PTPRT: variants seen among roughly 807,000 people sequenced by gnomAD.
PTPRT encodes the protein receptor-type tyrosine-protein phosphatase T.
A neutral mutation model predicts 176.8 loss-of-function variants in PTPRT; 56 were observed. That is an observed-to-expected ratio of 0.32 (90% CI 0.26 to 0.40). The LOEUF (loss-of-function observed/expected upper bound fraction) is 0.40. Ranked by LOEUF, PTPRT falls within the 10% of genes least tolerant of loss-of-function variation. The probability of loss-of-function intolerance (pLI) is 1.00; values close to 1 mark genes in which losing one functional copy is unlikely to be tolerated. For missense variants in PTPRT, 1,540 were observed against 1,908.2 expected, an observed-to-expected ratio of 0.81 and a Z score of 3.60; for synonymous variants, 783 against 739.0, an observed-to-expected ratio of 1.06 and a Z score of -0.96.
intron 9 of PTPRT, among the ~76,000 whole-genome samples, chr20:42,377,500 C>T (rs2058663148): frequency 6.6e-6 from 1 of 152,172 alleles, no homozygotes; most frequent in East Asian, 1.9e-4. Context: ...TGGGCTGGGG[C>T]CTGAGATTCT....
intron 7 of PTPRT, among the ~76,000 whole-genome samples, chr20:42,531,214 T>C (rs2072378010): frequency 6.6e-6 from 1 of 152,186 alleles, no homozygotes; most frequent in Non-Finnish European, 1.5e-5. Flanking sequence ...AGTTCTGAAA[T>C]GTTTTGCAAT....
intron 7 of PTPRT, among the ~76,000 whole-genome samples, chr20:42,627,921 G>T (rs2074325296): frequency 6.6e-6 from 1 of 152,124 alleles, no homozygotes; most frequent in Admixed American, 6.5e-5. Context: ...CAAATATTGT[G>T]AAGTCTTGTC....
At chr20:42,259,077 T>C (rs769450435) in intron 13 of PTPRT, among the ~76,000 whole-genome samples, 5 of 152,220 alleles carry the variant, frequency 3.3e-5, no homozygotes, top group Non-Finnish European at 7.3e-5. Context: ...GAGACAGGAA[T>C]AGCTTTAATT....
chr20:42,306,496 A>C (rs2057546434), intron 12 of PTPRT, among the ~76,000 whole-genome samples: 1 of 152,200 alleles, frequency 6.6e-6, no homozygotes, highest in Non-Finnish European at 1.5e-5. Context: ...CTAAGGAGTA[A>C]TGGAAAGGTT....
chr20:42,113,780 G>C (rs8117088), intron 22 of PTPRT, among the ~76,000 whole-genome samples: 3,404 of 152,288 alleles, frequency 0.022, 127 homozygotes, highest in African/African-American at 0.078. Flanking sequence ...CTCAGGCTCT[G>C]CTTCTAAAAA....
chr20:42,970,992 C>A (rs1200315133), intron 1 of PTPRT: 1 of 151,266 alleles, frequency 6.6e-6, no homozygotes, highest in Non-Finnish European at 1.5e-5. Flanking sequence ...AATTCTAACA[C>A]CAAACACCAG....
chr20:42,668,606 C>T (rs915685496), intron 7 of PTPRT, among the ~76,000 whole-genome samples: 2 of 152,016 alleles, frequency 1.3e-5, no homozygotes, highest in Non-Finnish European at 2.9e-5. Context: ...CAGTAGACAT[C>T]GTGCGACAGT....
At chr20:42,542,532 T>C (rs1006328650) in intron 7 of PTPRT, among the ~76,000 whole-genome samples, 1 of 152,152 alleles carries the variant, frequency 6.6e-6, no homozygotes, top group African/African-American at 2.4e-5. Context: ...GTTGTGAGGA[T>C]GTAGAGGAAA....
chr20:43,040,648 C>A (rs1228485567), intron 1 of PTPRT, among the ~76,000 whole-genome samples: 1 of 152,188 alleles, frequency 6.6e-6, no homozygotes, highest in Non-Finnish European at 1.5e-5. Flanking sequence ...ACACTTCCTC[C>A]TCTTGTCAGA....
intron 17 of PTPRT, among the ~76,000 whole-genome samples, chr20:42,156,132 C>T (rs1989340531): frequency 1.3e-5 from 2 of 152,170 alleles, no homozygotes; most frequent in South Asian, 4.1e-4. Context: ...TAATTTGGTT[C>T]TTCCTACTTC....
chr20:42,041,219 T>C, the PTPRT span, among the ~76,000 whole-genome samples: 3 of 152,180 alleles, frequency 2.0e-5, no homozygotes, highest in Non-Finnish European at 4.4e-5. Context: ...GTTTTGGGGT[T>C]CTCTCTCCGG....
At chr20:43,181,844 GA>G (rs1299704367) in intron 1 of PTPRT, among the ~76,000 whole-genome samples, 1 of 152,116 alleles carries the variant, frequency 6.6e-6, no homozygotes, top group Non-Finnish European at 1.5e-5. Context: ...ACGTGGGCCT[GA>G]AAATCCTTGT....
intron 9 of PTPRT, among the ~76,000 whole-genome samples, chr20:42,436,422 C>G (rs918178650): frequency 4.3e-4 from 65 of 152,114 alleles, no homozygotes; most frequent in African/African-American, 1.5e-3. Flanking sequence ...ACAGATATCC[C>G]ACAGAAAATG....
In PTPRT at chr20:42,801,851, G is replaced by T. The variant is rs954742633; in HGVS notation, c.215-10385C>A. 3.3e-5 allele frequency among the ~76,000 whole-genome samples: 5 copies of T among 152,150 alleles called. 1 individual carries two copies. The South Asian group carries it at 1.0e-3, about 32-fold the overall frequency. On this transcript the variant is annotated intron_variant, in intron 2 of 30. Coordinates refer to ENST00000373187, the MANE Select transcript of PTPRT (RefSeq NM_007050.6). ...GGAACAAGACAGTTTCTGCCTTGTG[G>T]GGGGGCTAAAAGAAATTGCAGACAG...
At chr20:42,409,967 G>C (rs1282237797) in intron 9 of PTPRT, among the ~76,000 whole-genome samples, 2 of 151,650 alleles carry the variant, frequency 1.3e-5, no homozygotes, top group Non-Finnish European at 2.9e-5. Context: ...AAACCACTTG[G>C]AAAAAAAGGA....
chr20:42,943,737 G>A (rs1364555816), intron 1 of PTPRT, among the ~76,000 whole-genome samples: 1 of 152,148 alleles, frequency 6.6e-6, no homozygotes, highest in Non-Finnish European at 1.5e-5. Flanking sequence ...TCCTGGGGCA[G>A]GGCACAGTGG....
At chr20:42,981,580 A>C (rs1041509205) in intron 1 of PTPRT, among the ~76,000 whole-genome samples, 2 of 152,228 alleles carry the variant, frequency 1.3e-5, no homozygotes, top group African/African-American at 4.8e-5. Context: ...AGCCTGCTGG[A>C]TGGGAACCCA....
At chr20:42,744,785 G>C (rs1223415519) in intron 6 of PTPRT, among the ~76,000 whole-genome samples, 3 of 152,148 alleles carry the variant, frequency 2.0e-5, no homozygotes, top group South Asian at 4.2e-4. Context: ...ACCAAAGAGG[G>C]GGGTGAGCAG....
At chr20:42,760,406 T>C (rs537483318) in intron 5 of PTPRT, among the ~76,000 whole-genome samples, 1 of 137,418 alleles carries the variant, frequency 7.3e-6, no homozygotes, top group Admixed American at 7.3e-5. Context: ...TTTTTTTTTT[T>C]TACACATGGG....
Sources: allele counts gnomAD v4.1 joint callset (sites outside exome capture counted in the v4.1 genomes callset), GRCh38; gene constraint gnomAD v4.1.1; transcripts MANE v1.5; gene names NCBI Gene and HGNC (gene_info 2026-07-23, HGNC 2026-07-21).